The following CAST variants were observed in gnomAD, a reference collection of about 807,000 sequenced individuals.
The protein encoded by CAST is MIR583 host.
Under a neutral mutation model 119.6 loss-of-function variants are expected in CAST, and 76 were observed. The observed-to-expected ratio is 0.64, with a 90% confidence interval of 0.53 to 0.77. The LOEUF (loss-of-function observed/expected upper bound fraction) is 0.77, where lower values mean the gene tolerates loss of function less well. CAST is among the 30% of genes least tolerant of loss of function. The pLI is 0.00. For synonymous variants in CAST, 319 were observed against 331.6 expected (o/e 0.96, Z 0.41); for missense variants, 953 against 946.5 (o/e 1.01, Z -0.09).
intron 1 of CAST, among the ~76,000 whole-genome samples, chr5:96,595,429 A>G (rs988855896): frequency 2.0e-5 from 3 of 152,242 alleles, no homozygotes; most frequent in African/African-American, 7.2e-5. Context: ...GAAGCTGTGA[A>G]TCAGCAGCAG....
At chr5:96,724,908 C>T (rs780600144) in intron 4 of CAST, among the ~76,000 whole-genome samples, 26 of 152,286 alleles carry the variant, frequency 1.7e-4, no homozygotes, top group Middle Eastern at 3.4e-3. Flanking sequence ...GGAAAGAGAG[C>T]CAGAAATATA....
the CAST span, among the ~76,000 whole-genome samples, chr5:96,179,802 C>T: frequency 2.0e-5 from 3 of 152,048 alleles, no homozygotes; most frequent in Non-Finnish European, 4.4e-5. Context: ...TTTGGGAGGC[C>T]GAGGCGGGTG....
chr5:96,762,191 T>A lies in CAST; in HGVS notation c.1834-83T>A, dbSNP rs27980. On this transcript the variant is annotated intron_variant, in intron 24 of 31. Transcript: ENST00000675179. ...GAGAATAAACAGTCATTAAGCTATC[T>A]TTAAGAGTTATAGTTAAGTGATGGC... is the stretch of plus-strand genomic sequence containing the variant. The A allele has an allele frequency of 1.5e-5, 11 of 757,394 alleles. No individual in the cohort carries two copies. The East Asian group carries it at 2.0e-4, about 14-fold the overall frequency. The allele number at this position is 757,394 out of a possible 1,614,324, so 46.9% of individuals were successfully genotyped here.
rs748124704 is a variant in CAST, at chr5:96,729,834, A to G, written c.549+109A>G. 8 of 644,478 alleles carry G rather than the reference A, an allele frequency of 1.2e-5. 1 individual carries two copies. Among genetic ancestry groups the G allele is most frequent in the South Asian group, 7.2e-5 (4 of 55,410 alleles). The allele number at this position is 644,478 out of a possible 1,614,324, so 39.9% of individuals were successfully genotyped here. Reference sequence around the variant, plus strand: ...TTCAATCTATGGGGCTGTGCTGAATATATTTTGTATTATAGTGATTTGGTA... The same window carrying G: ...TTCAATCTATGGGGCTGTGCTGAATGTATTTTGTATTATAGTGATTTGGTA... On this transcript the variant is annotated intron_variant, in intron 8 of 31. Coordinates refer to ENST00000675179, the MANE Select transcript of CAST (RefSeq NM_001750.7).
the CAST span, chr5:96,318,398 A>C: frequency 6.6e-6 from 1 of 152,244 alleles, no homozygotes; most frequent in African/African-American, 2.4e-5. Context: ...CACATTTCAG[A>C]GATAATGGTG....
At chr5:96,057,393 C>T in the CAST span, among the ~76,000 whole-genome samples, 1 of 152,172 alleles carries the variant, frequency 6.6e-6, no homozygotes, top group Non-Finnish European at 1.5e-5. Context: ...TAATTTCTGC[C>T]CACAAATTCT....
At chr5:96,620,202 A>G (rs1271749138) in intron 1 of CAST, among the ~76,000 whole-genome samples, 16 of 152,050 alleles carry the variant, frequency 1.1e-4, no homozygotes, top group Admixed American at 1.0e-3. Context: ...GGCGACAATC[A>G]TATGCCCCAA....
chr5:96,123,669 A>G, the CAST span, among the ~76,000 whole-genome samples: 1 of 152,186 alleles, frequency 6.6e-6, no homozygotes, highest in South Asian at 2.1e-4. Context: ...GTACAACTGA[A>G]GGTTGGTATG....
chr5:96,495,889 A>T, the CAST span, among the ~76,000 whole-genome samples: 9 of 152,246 alleles, frequency 5.9e-5, no homozygotes, highest in African/African-American at 2.2e-4. Context: ...CAGAGGCCAT[A>T]ATCAAGAAGT....
chr5:96,200,915 A>T, the CAST span, among the ~76,000 whole-genome samples: 4 of 152,144 alleles, frequency 2.6e-5, no homozygotes, highest in East Asian at 7.7e-4. Flanking sequence ...ACTATAAAGG[A>T]AGGTTCTTTT....
chr5:96,298,877 A>AGTGTGTGTGT, the CAST span, among the ~76,000 whole-genome samples: 15 of 33,042 alleles, frequency 4.5e-4, no homozygotes, highest in Non-Finnish European at 6.9e-4. Context: ...CTAAATTAGG[A>AGTGTGTGTGT]GAGTGTGTGT....
intron 16 of CAST, 99 bp from the exon 17 acceptor site, chr5:96,746,243 G>A (rs926726445): frequency 3.3e-5 from 24 of 737,094 alleles, no homozygotes; most frequent in Middle Eastern, 2.5e-4. Context: ...TACCAGATTT[G>A]GTCTTCTCTA....
the CAST span, among the ~76,000 whole-genome samples, chr5:96,238,310 C>CTTCTTCTTA: frequency 8.6e-5 from 3 of 34,942 alleles, no homozygotes; most frequent in Non-Finnish European, 2.0e-4. Context: ...GTTTCTTCTT[C>CTTCTTCTTA]TTCTTCTTCT....
chr5:96,295,606 ATGT>A, the CAST span, among the ~76,000 whole-genome samples: 2 of 152,342 alleles, frequency 1.3e-5, no homozygotes, highest in South Asian at 4.1e-4. Flanking sequence ...AAACCAAAAT[ATGT>A]TCGTATCGAC....
the CAST span, among the ~76,000 whole-genome samples, chr5:96,205,947 C>T: frequency 2.6e-5 from 4 of 151,926 alleles, no homozygotes; most frequent in Non-Finnish European, 5.9e-5. Flanking sequence ...TGTGTAAGTG[C>T]TCCCTTTTCT....
the CAST span, among the ~76,000 whole-genome samples, chr5:96,103,918 T>C: frequency 8.5e-5 from 13 of 152,138 alleles, no homozygotes; most frequent in Middle Eastern, 3.4e-3. Context: ...TGGTATCTCA[T>C]TGTGGTTTTG....
At chr5:96,001,733 T>C in the CAST span, among the ~76,000 whole-genome samples, 2 of 152,268 alleles carry the variant, frequency 1.3e-5, no homozygotes, top group African/African-American at 2.4e-5. Flanking sequence ...ATGAATCTCA[T>C]ATAAATTAAC....
intron 1 of CAST, among the ~76,000 whole-genome samples, chr5:96,632,646 A>G (rs904850061): frequency 4.7e-5 from 5 of 105,970 alleles, no homozygotes; most frequent in African/African-American, 1.8e-4. Flanking sequence ...ATTTTTTTGC[A>G]TGTGGATATT....
At chr5:95,980,417 C>A in the CAST span, 1 of 152,154 alleles carries the variant, frequency 6.6e-6, no homozygotes, top group African/African-American at 2.4e-5. Flanking sequence ...CCACTGGGCC[C>A]ATGCATCTGC....
Sources: allele counts gnomAD v4.1 joint callset (sites outside exome capture counted in the v4.1 genomes callset), GRCh38; gene constraint gnomAD v4.1.1; transcripts MANE v1.5; gene names NCBI Gene and HGNC (gene_info 2026-07-23, HGNC 2026-07-21).